FRRS1: variants seen among roughly 807,000 people sequenced by gnomAD.
FRRS1 encodes the protein ferric chelate reductase 1.
In FRRS1, 51 loss-of-function variants were observed where a neutral mutation model predicts 70.7. The observed-to-expected ratio is 0.72, with a 90% CI of 0.58 to 0.91. The LOEUF is 0.91. FRRS1 is among the 40% of genes least tolerant of loss of function. The pLI is 0.00. For synonymous variants in FRRS1, 225 were observed against 238.7 expected (o/e 0.94, Z 0.53); for missense variants, 672 against 726.0 (o/e 0.93, Z 0.86).
chr1:99,715,274 T>C (rs1215209207), intron 12 of FRRS1, among the ~76,000 whole-genome samples: 1 of 152,220 alleles, frequency 6.6e-6, no homozygotes, highest in African/African-American at 2.4e-5. Flanking sequence ...ACCACTCACA[T>C]TGTTCATGTT....
intron 1 of FRRS1, among the ~76,000 whole-genome samples, chr1:99,761,440 T>A (rs970883019): frequency 8.5e-5 from 13 of 152,328 alleles, no homozygotes; most frequent in African/African-American, 3.1e-4. Context: ...TTTTCCATTT[T>A]CTTTATTCAT....
rs755525885 is a variant in FRRS1 at position 99,728,650 on chromosome 1, C to T, written c.859-10G>A. Reference sequence around the variant, plus strand: ...TATCCTCAAGGGTATCCTACAAACACACACAATGGGTCTTCTCAGCACTTT... The same window carrying T: ...TATCCTCAAGGGTATCCTACAAACATACACAATGGGTCTTCTCAGCACTTT... On this transcript the variant is annotated splice_polypyrimidine_tract_variant and intron_variant, in intron 8 of 16. Transcript: ENST00000646001. The T allele has an allele frequency of 6.2e-6, 10 of 1,612,086 alleles. No individual in the cohort carries two copies. The highest frequency in any genetic ancestry group is 8.5e-6 in the Non-Finnish European group (10 of 1,178,692).
intron 6 of FRRS1, 128 bp from the exon 7 acceptor site, chr1:99,738,396 G>A: frequency 1.7e-6 from 1 of 593,340 alleles, no homozygotes; most frequent in Admixed American, 3.4e-5. Context: ...TCCATAATAA[G>A]CATTCAAATA....
intron 4 of FRRS1, 49 bp downstream of exon 4, chr1:99,747,245 C>A: frequency 6.7e-7 from 1 of 1,493,866 alleles, no homozygotes; most frequent in Non-Finnish European, 9.2e-7. Context: ...GGGGTGGGGT[C>A]TGCACCTGTA....
In FRRS1 at chr1:99,729,694, G is replaced by A. The variant is rs757012876; in HGVS notation, c.814C>T (p.Pro272Ser). The change falls in exon 8 of 17, where the codon CCT becomes TCT. Residue 272 changes from proline to serine, a missense_variant. Transcript: ENST00000646001. ...IHEDQTVYIQ[P>S]SHLTGRSHPV... ...TGACTTCGCCCCGTTAAATGGGAAG[G>A]CTGGATGTACACAGTCTGATCTTCA... The A allele has an allele frequency of 2.5e-6, 4 of 1,613,472 alleles. No individual in the cohort carries two copies. Among genetic ancestry groups the A allele is most frequent in the African/African-American group, 2.7e-5 (2 of 74,916 alleles).
chr1:99,753,248 C>T (rs1427053544), intron 1 of FRRS1, among the ~76,000 whole-genome samples: 7 of 146,114 alleles, frequency 4.8e-5, no homozygotes, highest in South Asian at 2.2e-4. Context: ...AGGCTGGGTG[C>T]GGTGGCTCAT....
At position 99,712,908 on chromosome 1, in the gene FRRS1, G is replaced by GT. The variant is rs199991144; in HGVS notation, c.1324-394dup. On this transcript the variant is annotated intron_variant, in intron 12 of 16. Coordinates refer to ENST00000646001, the MANE Select transcript of FRRS1 (RefSeq NM_001361041.2). ...TACAAAAGTAGTTGCAGTTTTTGCAGTTTTTTTTCAAGTATTTTAATCCAC... is the reference window on the plus strand; with the variant it reads ...TACAAAAGTAGTTGCAGTTTTTGCAGTTTTTTTTTCAAGTATTTTAATCCAC... Among the ~76,000 whole-genome samples, 704 of 152,068 alleles carry GT rather than the reference G, an allele frequency of 4.6e-3. 3 individuals are homozygous for GT. In the Middle Eastern group the frequency reaches 0.061, roughly 13 times the overall value.
intron 4 of FRRS1, 127 bp downstream of exon 4, chr1:99,747,167 A>G (rs1201912666): frequency 1.6e-6 from 1 of 624,680 alleles, no homozygotes; most frequent in Non-Finnish European, 2.8e-6. Context: ...GCTTCTGGTC[A>G]CCAATAGGCT....
intron 1 of FRRS1, among the ~76,000 whole-genome samples, chr1:99,751,616 G>C (rs1656572584): frequency 6.6e-6 from 1 of 151,964 alleles, no homozygotes; most frequent in Non-Finnish European, 1.5e-5. Flanking sequence ...AGTGTTGAGA[G>C]GAAAAGGTGG....
chr1:99,731,672 T>C (rs369296216), intron 7 of FRRS1, among the ~76,000 whole-genome samples: 2 of 152,196 alleles, frequency 1.3e-5, no homozygotes, highest in African/African-American at 2.4e-5. Flanking sequence ...CCATGTTTCA[T>C]TGGAACACAG....
Position 99,729,756 on chromosome 1 carries a change from A to G in FRRS1, c.760-8T>C. The G allele has an allele frequency of 6.4e-7, 1 of 1,572,668 alleles. No individual in the cohort carries two copies. The highest frequency in any genetic ancestry group is 8.7e-7 in the Non-Finnish European group (1 of 1,145,140). ...ATAAGCATCATCATCACCCTGAAAA[A>G]CAATTGCAAATGAGAAAAAAAGCTC... On this transcript the variant is annotated splice_polypyrimidine_tract_variant and splice_region_variant and intron_variant, in intron 7 of 16. Transcript: ENST00000646001.
At chr1:99,754,478 C>T (rs976897835) in intron 1 of FRRS1, among the ~76,000 whole-genome samples, 1 of 141,482 alleles carries the variant, frequency 7.1e-6, no homozygotes, top group Non-Finnish European at 1.5e-5. Context: ...AGAGTGAGAC[C>T]TTGTCTCAAA....
At chr1:99,750,772 G>A (rs1020413322) in intron 1 of FRRS1, among the ~76,000 whole-genome samples, 1 of 151,566 alleles carries the variant, frequency 6.6e-6, no homozygotes, top group East Asian at 1.9e-4. Flanking sequence ...AAGGAGAAGA[G>A]GGAAGGAAAC....
In FRRS1 at chr1:99,739,276, G is replaced by A. The variant is rs188917343; in HGVS notation, c.577-1008C>T. ...CTGAATGAACCTCCCTATAATTAGA[G>A]ATTATAAACATGGCACAAAGACACA... On this transcript the variant is annotated intron_variant, in intron 6 of 16. Coordinates refer to ENST00000646001, the MANE Select transcript of FRRS1 (RefSeq NM_001361041.2). 4.9e-4 allele frequency among the ~76,000 whole-genome samples: 74 copies of A among 152,304 alleles called. 1 individual carries two copies. The highest frequency in any genetic ancestry group is 1.7e-3 in the African/African-American group (72 of 41,576).
At chr1:99,710,177 T>C (rs1654207867) in intron 15 of FRRS1, among the ~76,000 whole-genome samples, 1 of 152,154 alleles carries the variant, frequency 6.6e-6, no homozygotes, top group African/African-American at 2.4e-5. Context: ...TTCACTTATT[T>C]TGGTGGATGA....
chr1:99,732,014 T>C (rs1442975967), intron 7 of FRRS1, among the ~76,000 whole-genome samples: 1 of 152,158 alleles, frequency 6.6e-6, no homozygotes, highest in Non-Finnish European at 1.5e-5. Context: ...CCATCATGAA[T>C]GAGACATAGA....
Position 99,704,814 on chromosome 1 carries a change from G to A in FRRS1, c.*4214C>T, listed in dbSNP as rs186468664. On this transcript the variant is annotated 3_prime_UTR_variant, in exon 17 of 17. Coordinates refer to ENST00000646001, the MANE Select transcript of FRRS1 (RefSeq NM_001361041.2). ...ACTGGCGGAAGGAGGAACAGTTGGC[G>A]GAGTTTGGCCGGGGCAATCAGAGGA... is the stretch of plus-strand genomic sequence containing the variant. Among the ~76,000 whole-genome samples, 14 of 152,218 alleles carry A rather than the reference G, an allele frequency of 9.2e-5. No homozygotes were observed. Among genetic ancestry groups the A allele is most frequent in the Admixed American group, 7.9e-4 (12 of 15,286 alleles).
At chr1:99,715,104 G>A (rs569494641) in intron 12 of FRRS1, among the ~76,000 whole-genome samples, 10 of 151,968 alleles carry the variant, frequency 6.6e-5, no homozygotes, top group Non-Finnish European at 1.0e-4. Flanking sequence ...CAATCCTCCC[G>A]CCTCAGCCTC....
chr1:99,728,412 G>A, intron 9 of FRRS1, 81 bp downstream of exon 9: 1 of 1,184,000 alleles, frequency 8.4e-7, no homozygotes, highest in Non-Finnish European at 1.2e-6. Flanking sequence ...GGCAATTACA[G>A]TAGTTTTTCC....
Sources: gnomAD v4.1 joint callset for allele counts (sites outside exome capture counted in the v4.1 genomes callset) on GRCh38, gnomAD v4.1.1 for gene constraint, MANE v1.5 for transcripts, NCBI Gene and HGNC (gene_info 2026-07-23, HGNC 2026-07-21) for gene names.